The following MAP4 variants were observed in gnomAD, a reference collection of about 807,000 sequenced individuals.
MAP4 encodes the protein microtubule associated protein 4, also known as microtubule-associated protein 4.
In MAP4, 76 loss-of-function variants were observed where a neutral mutation model predicts 170.2. That is an observed-to-expected ratio of 0.45 (90% CI 0.37 to 0.54). The LOEUF (loss-of-function observed/expected upper bound fraction) is 0.54. Among genes scored for constraint, MAP4 ranks in the 20% least tolerant of loss-of-function variants. The pLI is 0.00. For synonymous variants in MAP4, 909 were observed against 994.5 expected, an observed-to-expected ratio of 0.91 and a Z score of 1.62; for missense variants, 2,506 against 2,748.0, an observed-to-expected ratio of 0.91 and a Z score of 1.97.
chr3:48,066,821 CCTTTTTT>C (rs2100138468), intron 1 of MAP4, among the ~76,000 whole-genome samples: 1 of 120,334 alleles, frequency 8.3e-6, no homozygotes, highest in Admixed American at 1.0e-4. Flanking sequence ...ATCTCTAATT[CCTTTTTT>C]TTTTTTTTTT....
intron 10 of MAP4, among the ~76,000 whole-genome samples, chr3:47,885,730 CTTTT>C (rs1163508790): frequency 7.2e-6 from 1 of 138,470 alleles, no homozygotes. Flanking sequence ...CGCCTTTGTT[CTTTT>C]TTTTTTTTTT....
intron 1 of MAP4, among the ~76,000 whole-genome samples, chr3:48,000,102 C>A (rs1283396241): frequency 6.6e-6 from 1 of 151,418 alleles, no homozygotes; most frequent in African/African-American, 2.4e-5. Context: ...ATAATCCCAG[C>A]TACTTGTGAG....
rs1311974045 is a variant in MAP4, at chr3:47,870,824, C to T, written c.6283G>A (p.Gly2095Arg). Reference sequence around the variant, plus strand: ...CTCCCTGGACCCACCCGGCCTCCTCCAGGCTGATGCTTGATGTTTTCCGTG... The same window carrying T: ...CTCCCTGGACCCACCCGGCCTCCTCTAGGCTGATGCTTGATGTTTTCCGTG... Reference protein sequence around the residue: ...GSTENIKHQPGGGRAKVEKKT... With the variant: ...GSTENIKHQPRGGRAKVEKKT... Residue 2095 changes from glycine to arginine, a missense_variant, in exon 15 of 21, where the codon GGA becomes AGA. By Grantham distance (125) the Gly-to-Arg change is moderately radical (BLOSUM62 -2). Coordinates refer to ENST00000683076, the MANE Select transcript of MAP4 (RefSeq NM_001385682.1). 3 of 1,565,802 alleles carry T rather than the reference C, an allele frequency of 1.9e-6. No individual in the cohort carries two copies. The African/African-American group carries it at 4.1e-5, about 21-fold the overall frequency.
chr3:47,871,001 C>T lies in MAP4; in HGVS notation c.6106G>A (p.Ala2036Thr), dbSNP rs35350483. The change falls in exon 15 of 21, where the codon GCC becomes ACC. Residue 2036 changes from alanine (A) to threonine (T), a missense_variant. Ala to Thr is a moderately conservative substitution (Grantham distance 58). Coordinates refer to ENST00000683076, the MANE Select transcript of MAP4 (RefSeq NM_001385682.1). ...GAGGGCCGGGAGGGCATGGGTGTGG[C>T]CTTGACTCGGCTGGGAACCACCCCT... is the stretch of plus-strand genomic sequence containing the variant. ...AAGVVPSRVK[A>T]TPMPSRPSTT... 551 of 1,614,044 alleles carry T rather than the reference C, an allele frequency of 3.4e-4. 3 individuals are homozygous for T. Among genetic ancestry groups the T allele is most frequent in the Non-Finnish European group, 8.4e-5 (99 of 1,180,020 alleles).
intron 15 of MAP4, 82 bp downstream of exon 15, chr3:47,870,730 TG>T: frequency 7.2e-7 from 1 of 1,398,162 alleles, no homozygotes; most frequent in East Asian, 2.3e-5. Context: ...CCTGCTTCTT[TG>T]GTGGGCCTGG....
chr3:48,076,475 C>A (rs1464747668), intron 1 of MAP4, among the ~76,000 whole-genome samples: 5 of 150,924 alleles, frequency 3.3e-5, no homozygotes, highest in Non-Finnish European at 5.9e-5. Context: ...GCACTCCAGC[C>A]TGGGTGACAG....
At chr3:47,884,302 T>C (rs896203681) in intron 10 of MAP4, among the ~76,000 whole-genome samples, 2 of 152,230 alleles carry the variant, frequency 1.3e-5, no homozygotes, top group East Asian at 1.9e-4. Flanking sequence ...ATTTTAATTA[T>C]TATATTTTTC....
At chr3:48,081,142 T>A (rs761893423) in intron 1 of MAP4, among the ~76,000 whole-genome samples, 87 of 148,970 alleles carry the variant, frequency 5.8e-4, no homozygotes, top group Non-Finnish European at 1.1e-3. Flanking sequence ...GAAAAAACAT[T>A]AGCCGGGAGT....
intron 1 of MAP4, among the ~76,000 whole-genome samples, chr3:48,031,056 G>A (rs894186096): frequency 2.7e-5 from 4 of 150,530 alleles, no homozygotes; most frequent in African/African-American, 9.7e-5. Context: ...GAAAATGGGA[G>A]GGGGGGGTAA....
At chr3:47,903,593 G>A (rs1333425631) in intron 9 of MAP4, among the ~76,000 whole-genome samples, 1 of 150,746 alleles carries the variant, frequency 6.6e-6, no homozygotes, top group Non-Finnish European at 1.5e-5. Flanking sequence ...CTGACGTATT[G>A]CATTAATCTT....
intron 17 of MAP4, 37 bp downstream of exon 17, chr3:47,867,209 A>G (rs1310702250): frequency 3.5e-6 from 5 of 1,433,200 alleles, no homozygotes; most frequent in Admixed American, 1.7e-5. Context: ...ACAGTGGGCT[A>G]TATCTCAGAT....
chr3:48,077,653 TAA>T (rs1232193045), intron 1 of MAP4, among the ~76,000 whole-genome samples: 1 of 152,042 alleles, frequency 6.6e-6, no homozygotes, highest in Non-Finnish European at 1.5e-5. Context: ...AATAATTTTT[TAA>T]AAGGTTAAAC....
intron 10 of MAP4, among the ~76,000 whole-genome samples, chr3:47,890,557 G>A (rs186430362): frequency 4.6e-5 from 7 of 152,248 alleles, no homozygotes; most frequent in African/African-American, 1.7e-4. Flanking sequence ...GGAGGTTAGT[G>A]CTGATAAACC....
At chr3:47,987,410 C>A in intron 2 of MAP4, 1 of 1,532,958 alleles carries the variant, frequency 6.5e-7, no homozygotes, top group Non-Finnish European at 8.7e-7. Context: ...GAAAGGCTGG[C>A]AGGGTGTGGG....
intron 17 of MAP4, among the ~76,000 whole-genome samples, 176 bp from the exon 18 acceptor site, chr3:47,857,688 C>A (rs2150180299): frequency 6.6e-6 from 1 of 152,050 alleles, no homozygotes; most frequent in Admixed American, 6.6e-5. Context: ...AGCCCTCGAC[C>A]CACCCTGGCC....
intron 10 of MAP4, among the ~76,000 whole-genome samples, chr3:47,879,994 A>G (rs1185008788): frequency 2.0e-5 from 3 of 152,198 alleles, no homozygotes; most frequent in Non-Finnish European, 4.4e-5. Flanking sequence ...GTCAAGTTAA[A>G]TAAGTTCCTC....
intron 19 of MAP4, among the ~76,000 whole-genome samples, chr3:47,853,997 G>T (rs1340881528): frequency 6.6e-6 from 1 of 152,214 alleles, no homozygotes; most frequent in Non-Finnish European, 1.5e-5. Flanking sequence ...GGAAGGCAGA[G>T]AAGAGAGAAC....
chr3:47,919,195 T>G (rs1024672692), intron 5 of MAP4, among the ~76,000 whole-genome samples: 1 of 152,096 alleles, frequency 6.6e-6, no homozygotes, highest in African/African-American at 2.4e-5. Flanking sequence ...CCTCCCAAAG[T>G]GCTGGGATTA....
chr3:48,013,006 A>G (rs1196945059), intron 1 of MAP4, among the ~76,000 whole-genome samples: 1 of 152,070 alleles, frequency 6.6e-6, no homozygotes, highest in Admixed American at 6.6e-5. Context: ...GTTTTCAATA[A>G]ATTAAAGCGA....
Sources: allele counts gnomAD v4.1 joint callset (sites outside exome capture counted in the v4.1 genomes callset), GRCh38; gene constraint gnomAD v4.1.1; transcripts MANE v1.5; gene names NCBI Gene and HGNC (gene_info 2026-07-23, HGNC 2026-07-21).